Variants in FGL1 observed in about 807,000 individuals in gnomAD.
The protein encoded by FGL1 is fibrinogen-like protein 1.
A neutral mutation model predicts 43.7 loss-of-function variants in FGL1; 59 were observed. The ratio of observed to expected loss-of-function variants is 1.35; its 90% CI spans 1.10 to 1.68. The LOEUF is 1.68. Among genes scored for constraint, FGL1 ranks in the 40% most tolerant of loss-of-function variants. The pLI is 0.00. For synonymous variants in FGL1, 192 were observed against 126.5 expected (o/e 1.52, Z -3.48); for missense variants, 596 against 373.0 (o/e 1.60, Z -4.92).
At chr8:17,865,499 T>C (rs1314456211) in intron 7 of FGL1, among the ~76,000 whole-genome samples, 4 of 152,190 alleles carry the variant, frequency 2.6e-5, no homozygotes. Flanking sequence ...TAAATCACCA[T>C]TTAAAGTTTT....
intron 1 of FGL1, among the ~76,000 whole-genome samples, chr8:17,888,539 C>T (rs953374598): frequency 1.3e-5 from 2 of 151,982 alleles, no homozygotes; most frequent in African/African-American, 2.4e-5. Flanking sequence ...TATTCTAAAC[C>T]GAAGACATCT....
At chr8:17,867,237 A>T (rs2053282813) in intron 7 of FGL1, among the ~76,000 whole-genome samples, 1 of 152,190 alleles carries the variant, frequency 6.6e-6, no homozygotes, top group Admixed American at 6.5e-5. Flanking sequence ...TGATAACCGA[A>T]ACAGCTACGA....
chr8:17,864,682 A>T lies in FGL1; in HGVS notation c.849T>A (p.Ile283=), dbSNP rs2053242872. ...GPYTAKTDNG[I]VWYTWHGWWY... ...ACCACCCATGCCAGGTGTACCAGAC[A>T]ATCCCATTGTCTGTTTTAGCCGTGT... The change falls in exon 8 of 8, where the codon ATT becomes ATA. Residue 283 remains isoleucine, a synonymous_variant. Transcript: ENST00000427924. 1 of 1,613,526 alleles carries T rather than the reference A, an allele frequency of 6.2e-7. No individual in the cohort carries two copies. Among genetic ancestry groups the T allele is most frequent in the African/African-American group, 1.3e-5 (1 of 74,894 alleles).
At chr8:17,881,916 A>G (rs2053541947) in intron 3 of FGL1, 83 bp downstream of exon 3, 2 of 1,144,250 alleles carry the variant, frequency 1.7e-6, no homozygotes, top group South Asian at 3.1e-5. Context: ...TGAAATAGGA[A>G]AAGCCTGAAA....
intron 5 of FGL1, among the ~76,000 whole-genome samples, chr8:17,873,064 C>A (rs974230257): frequency 1.3e-5 from 2 of 152,134 alleles, no homozygotes; most frequent in African/African-American, 4.8e-5. Context: ...TATGTGGAAA[C>A]ATGGACATTT....
At chr8:17,878,210 T>C (rs2517309) in intron 3 of FGL1, among the ~76,000 whole-genome samples, 110,204 of 152,070 alleles carry the variant, frequency 0.72, 40,481 homozygotes, top group Non-Finnish European at 0.79. Context: ...CCTCGGCCTC[T>C]CAAAGTGCAG....
At chr8:17,870,321 G>A (rs554154504) in intron 5 of FGL1, among the ~76,000 whole-genome samples, 14 of 151,604 alleles carry the variant, frequency 9.2e-5, no homozygotes, top group African/African-American at 3.4e-4. Context: ...TTTTCCCATT[G>A]TTTGGAAATA....
chr8:17,868,519 A>G (rs765087185), intron 7 of FGL1, 29 bp downstream of exon 7: 37 of 1,569,532 alleles, frequency 2.4e-5, no homozygotes, highest in South Asian at 1.2e-5. Flanking sequence ...CATCAACTCC[A>G]TTACAACTAT....
intron 2 of FGL1, 164 bp from the exon 3 acceptor site, chr8:17,882,343 A>G (rs1017283999): frequency 1.8e-5 from 10 of 560,166 alleles, no homozygotes; most frequent in Non-Finnish European, 3.0e-5. Flanking sequence ...ACTGCCTACT[A>G]TTTGAAGAAT....
chr8:17,885,072 A>T (rs367690433), intron 2 of FGL1, among the ~76,000 whole-genome samples: 1 of 150,074 alleles, frequency 6.7e-6, no homozygotes, highest in African/African-American at 2.5e-5. Context: ...ATGGAGTCTC[A>T]CTCTGTCGCC....
chr8:17,876,400 C>T (rs910275938), intron 3 of FGL1, among the ~76,000 whole-genome samples: 1 of 152,134 alleles, frequency 6.6e-6, no homozygotes, highest in African/African-American at 2.4e-5. Flanking sequence ...AAAGCCTTCA[C>T]ATGGTTGGGA....
chr8:17,876,772 G>T (rs1203380309), intron 3 of FGL1, among the ~76,000 whole-genome samples: 1 of 152,182 alleles, frequency 6.6e-6, no homozygotes, highest in Non-Finnish European at 1.5e-5. Flanking sequence ...AAATATGGAA[G>T]TGATTAGCTA....
chr8:17,883,287 T>C (rs2053576535), intron 2 of FGL1, among the ~76,000 whole-genome samples: 1 of 83,968 alleles, frequency 1.2e-5, no homozygotes, highest in South Asian at 3.6e-4. Context: ...ATATATCATA[T>C]ATATCATATA....
At chr8:17,868,248 C>G in intron 7 of FGL1, 1 of 195,734 alleles carries the variant, frequency 5.1e-6, no homozygotes, top group Non-Finnish European at 1.0e-5. Context: ...TATATACATG[C>G]TCTCTCTTTC....
intron 2 of FGL1, among the ~76,000 whole-genome samples, chr8:17,884,493 C>G (rs543675755): frequency 9.3e-4 from 141 of 152,236 alleles, no homozygotes; most frequent in Admixed American, 9.2e-3. Flanking sequence ...CTGCACCAGG[C>G]CTCTCTAGGA....
chr8:17,874,177 A>G (rs1312677230), intron 4 of FGL1, 61 bp from the exon 5 acceptor site: 19 of 1,425,504 alleles, frequency 1.3e-5, no homozygotes, highest in Middle Eastern at 3.5e-4. Flanking sequence ...CAAAGCGACC[A>G]CCACCCACCC....
intron 1 of FGL1, among the ~76,000 whole-genome samples, chr8:17,889,370 T>G (rs546832697): frequency 1.3e-5 from 2 of 152,190 alleles, no homozygotes; most frequent in Admixed American, 1.3e-4. Flanking sequence ...GCCAACATGA[T>G]AAAACTCCAT....
At chr8:17,884,864 G>A (rs921105902) in intron 2 of FGL1, among the ~76,000 whole-genome samples, 5 of 151,990 alleles carry the variant, frequency 3.3e-5, no homozygotes, top group South Asian at 2.1e-4. Context: ...ACACAAGTTC[G>A]ATGTAATTAC....
intron 3 of FGL1, among the ~76,000 whole-genome samples, chr8:17,880,470 T>C (rs796173429): frequency 2.6e-5 from 4 of 152,330 alleles, no homozygotes; most frequent in African/African-American, 9.6e-5. Flanking sequence ...ACCTCTACAG[T>C]CTTTCAATTC....
Sources: gnomAD v4.1 joint callset for allele counts (sites outside exome capture counted in the v4.1 genomes callset) on GRCh38, gnomAD v4.1.1 for gene constraint, MANE v1.5 for transcripts, NCBI Gene and HGNC (gene_info 2026-07-23, HGNC 2026-07-21) for gene names.